The following IL1RAPL1 variants were observed in gnomAD, a reference collection of about 807,000 sequenced individuals.
The protein encoded by IL1RAPL1 is interleukin 1 receptor accessory protein like 1, also known as interleukin-1 receptor accessory protein-like 1.
In IL1RAPL1, 3 loss-of-function variants were observed where a neutral mutation model predicts 48.4. That is an observed-to-expected ratio of 0.06 (90% CI 0.03 to 0.16). The LOEUF is 0.16. IL1RAPL1 is among the 10% of genes least tolerant of loss of function. The pLI, the probability that IL1RAPL1 is intolerant of heterozygous loss-of-function variation, is 1.00. For synonymous variants in IL1RAPL1, 185 were observed against 187.7 expected (o/e 0.99, Z 0.12); for missense variants, 349 against 530.6 (o/e 0.66, Z 3.36).
chrX:29,901,833 G>A (rs1456328862), intron 6 of IL1RAPL1, among the ~76,000 whole-genome samples: 3 of 112,322 alleles, frequency 2.7e-5, no homozygotes, highest in Non-Finnish European at 3.8e-5. Context: ...AATTAAAAGA[G>A]CAGAAATAAA....
At chrX:29,052,068 C>A (rs1327488166) in intron 2 of IL1RAPL1, among the ~76,000 whole-genome samples, 1 of 112,066 alleles carries the variant, frequency 8.9e-6, no homozygotes, top group African/African-American at 3.2e-5. Context: ...AGGTATGTCC[C>A]AATTTAAATG....
intron 5 of IL1RAPL1, among the ~76,000 whole-genome samples, chrX:29,617,038 A>G (rs1035914499): frequency 3.3e-4 from 37 of 111,215 alleles, no homozygotes; most frequent in African/African-American, 1.2e-3. Flanking sequence ...CTCCAGTCCA[A>G]GCAACCCCAA....
intron 6 of IL1RAPL1, among the ~76,000 whole-genome samples, chrX:29,859,697 A>G (rs111295990): frequency 0.032 from 3,562 of 112,333 alleles, 159 homozygotes; most frequent in African/African-American, 0.11. Flanking sequence ...CAATATTTCT[A>G]GAAGAGTTAT....
intron 6 of IL1RAPL1, among the ~76,000 whole-genome samples, chrX:29,683,190 G>T (rs1926511714): frequency 8.9e-6 from 1 of 111,952 alleles, no homozygotes; most frequent in Non-Finnish European, 1.9e-5. Context: ...TGGGCACAAG[G>T]TCTGGTCAAA....
chrX:29,751,569 G>A (rs1185460435), intron 6 of IL1RAPL1, among the ~76,000 whole-genome samples: 2 of 110,945 alleles, frequency 1.8e-5, no homozygotes, highest in African/African-American at 3.3e-5. Flanking sequence ...AATATAATAC[G>A]TGTTCTCAAA....
intron 1 of IL1RAPL1, among the ~76,000 whole-genome samples, chrX:28,621,863 G>T (rs1934287873): frequency 9.0e-6 from 1 of 111,509 alleles, no homozygotes; most frequent in Non-Finnish European, 1.9e-5. Flanking sequence ...TCCATAGATA[G>T]ACAATGTATA....
At chrX:29,017,122 G>A (rs1238672576) in intron 2 of IL1RAPL1, among the ~76,000 whole-genome samples, 5 of 111,961 alleles carry the variant, frequency 4.5e-5, no homozygotes, top group African/African-American at 1.6e-4. Context: ...ATGATTCGAC[G>A]TGAATCTGTT....
intron 2 of IL1RAPL1, among the ~76,000 whole-genome samples, chrX:29,046,250 G>A (rs1926969350): frequency 9.1e-6 from 1 of 110,083 alleles, no homozygotes; most frequent in Non-Finnish European, 1.9e-5. Flanking sequence ...AGACGATGGG[G>A]CCTTACTATG....
At chrX:29,280,451 A>G (rs1270669724) in intron 2 of IL1RAPL1, among the ~76,000 whole-genome samples, 4 of 112,346 alleles carry the variant, frequency 3.6e-5, no homozygotes, top group Non-Finnish European at 7.5e-5. Flanking sequence ...TTATTAAAAA[A>G]CAATATGTGA....
intron 1 of IL1RAPL1, among the ~76,000 whole-genome samples, chrX:28,765,404 T>A (rs1292978512): frequency 9.0e-6 from 1 of 111,600 alleles, no homozygotes; most frequent in African/African-American, 3.3e-5. Flanking sequence ...TAGTTTCCAA[T>A]GATTTTAAAA....
At chrX:28,819,967 G>GATATATATAT (rs764635166) in intron 2 of IL1RAPL1, among the ~76,000 whole-genome samples, 25 of 26,744 alleles carry the variant, frequency 9.3e-4, no homozygotes, top group Non-Finnish European at 1.7e-3. Flanking sequence ...TAAACATAGT[G>GATATATATAT]ATATATATAT....
At chrX:29,132,054 T>C (rs1334781847) in intron 2 of IL1RAPL1, among the ~76,000 whole-genome samples, 1 of 111,721 alleles carries the variant, frequency 9.0e-6, no homozygotes, top group East Asian at 2.8e-4. Context: ...TTCCTTGTAG[T>C]GTAAATATTT....
intron 5 of IL1RAPL1, among the ~76,000 whole-genome samples, chrX:29,499,085 G>A (rs1379180323): frequency 8.9e-6 from 1 of 111,767 alleles, no homozygotes; most frequent in Non-Finnish European, 1.9e-5. Flanking sequence ...AATATCTTGG[G>A]TCTCAACAAT....
chrX:29,158,953 CCTCT>C lies in IL1RAPL1; in HGVS notation c.83-123968_83-123965del, dbSNP rs758260761. ...CTCTCCCCCCCCCTCCCTCCCTCTC[CCTCT>C]CTCTCTCTCTCTCTCTTTCCTTTCT... On this transcript the variant is annotated intron_variant, in intron 2 of 10. Coordinates refer to ENST00000378993, the MANE Select transcript of IL1RAPL1 (RefSeq NM_014271.4). Among the ~76,000 whole-genome samples, 119 of 53,399 alleles carry C rather than the reference CCTCT, an allele frequency of 2.2e-3. 1 individual carries two copies. The highest frequency in any genetic ancestry group is 3.4e-3 in the Non-Finnish European group (103 of 30,431). The allele number at this position is 53,399 out of a possible 115,157, so 46.4% of individuals were successfully genotyped here.
intron 5 of IL1RAPL1, among the ~76,000 whole-genome samples, chrX:29,577,547 A>G (rs959637106): frequency 1.8e-5 from 2 of 111,844 alleles, no homozygotes; most frequent in Admixed American, 9.5e-5. Context: ...TATCCTGCGG[A>G]GAGTTACCTG....
chrX:29,932,411 C>T (rs746320829), intron 8 of IL1RAPL1, among the ~76,000 whole-genome samples: 3 of 111,676 alleles, frequency 2.7e-5, no homozygotes, highest in Non-Finnish European at 5.7e-5. Flanking sequence ...TCCATGAATC[C>T]GCAAACAAAT....
chrX:29,185,808 A>G lies in IL1RAPL1; in HGVS notation c.83-97130A>G, dbSNP rs1244963009. Among the ~76,000 whole-genome samples, 5 of 109,754 alleles carry G rather than the reference A, an allele frequency of 4.6e-5. No individual in the cohort carries two copies. The East Asian group carries it at 1.4e-3, about 32-fold the overall frequency. ...GGTTTATAAAGAAAGCAGAAATGAC[A>G]TTTTTAGCTGGGCTCAGGTATCATG... On this transcript the variant is annotated intron_variant, in intron 2 of 10. Transcript: ENST00000378993.
At chrX:29,688,008 T>G (rs1353174915) in intron 6 of IL1RAPL1, among the ~76,000 whole-genome samples, 1 of 111,649 alleles carries the variant, frequency 9.0e-6, no homozygotes, top group East Asian at 2.8e-4. Flanking sequence ...AAGTGGAAGC[T>G]TGTATGACAG....
chrX:28,982,067 CT>C lies in IL1RAPL1; in HGVS notation c.82+192649del, dbSNP rs765096815. ...CAGATATCCCTCCAATTTGAGGGTA[CT>C]TTTTTTCTATTTTATTCTCCAGAAC... On this transcript the variant is annotated intron_variant, in intron 2 of 10. Coordinates refer to ENST00000378993, the MANE Select transcript of IL1RAPL1 (RefSeq NM_014271.4). Among the ~76,000 whole-genome samples, 14 of 111,809 alleles carry C rather than the reference CT, an allele frequency of 1.3e-4. No individual in the cohort carries two copies. The East Asian group carries it at 2.5e-3, about 20-fold the overall frequency.
Sources: gnomAD v4.1 joint callset for allele counts (sites outside exome capture counted in the v4.1 genomes callset) on GRCh38, gnomAD v4.1.1 for gene constraint, MANE v1.5 for transcripts, NCBI Gene and HGNC (gene_info 2026-07-23, HGNC 2026-07-21) for gene names.